Variants in FMN2 observed in about 807,000 individuals in gnomAD.
FMN2 encodes the protein formin-2.
Under a neutral mutation model 142.3 loss-of-function variants are expected in FMN2, and 51 were observed. The ratio of observed to expected loss-of-function variants is 0.36; its 90% CI spans 0.29 to 0.45. The LOEUF is 0.45. Ranked by LOEUF, FMN2 falls within the 20% of genes least tolerant of loss-of-function variation. FMN2 has a pLI of 1.00. For synonymous variants in FMN2, 882 were observed against 869.8 expected (o/e 1.01, Z -0.25); for missense variants, 1,936 against 2,122.8 (o/e 0.91, Z 1.73).
intron 4 of FMN2, among the ~76,000 whole-genome samples, chr1:240,199,378 T>G (rs1666045418): frequency 6.6e-6 from 1 of 152,174 alleles, no homozygotes; most frequent in Admixed American, 6.5e-5. Flanking sequence ...ATAATAAACA[T>G]AATAAAGTTT....
At chr1:240,388,381 T>C (rs1006704653) in intron 14 of FMN2, among the ~76,000 whole-genome samples, 1 of 152,106 alleles carries the variant, frequency 6.6e-6, no homozygotes, top group Non-Finnish European at 1.5e-5. Flanking sequence ...GCATTACAAT[T>C]CAAACCCAGG....
intron 14 of FMN2, 47 bp from the exon 15 acceptor site, chr1:240,392,464 A>G (rs1404244085): frequency 6.5e-7 from 1 of 1,527,084 alleles, no homozygotes; most frequent in Non-Finnish European, 9.0e-7. Context: ...AAATAGTGTA[A>G]CAACTTATCA....
intron 2 of FMN2, among the ~76,000 whole-genome samples, chr1:240,162,899 C>T (rs1281540424): frequency 6.6e-6 from 1 of 152,114 alleles, no homozygotes; most frequent in Non-Finnish European, 1.5e-5. Context: ...ACAGATTTCT[C>T]TCTAAACATG....
At chr1:240,120,092 A>G (rs888536770) in intron 1 of FMN2, among the ~76,000 whole-genome samples, 1 of 152,206 alleles carries the variant, frequency 6.6e-6, no homozygotes, top group Non-Finnish European at 1.5e-5. Flanking sequence ...AGAAATGGAG[A>G]AAATAGAGAG....
At chr1:240,470,524 T>A (rs912837779) in intron 16 of FMN2, among the ~76,000 whole-genome samples, 1 of 152,170 alleles carries the variant, frequency 6.6e-6, no homozygotes, top group Non-Finnish European at 1.5e-5. Context: ...AACTATAACA[T>A]CAATCTTATA....
intron 3 of FMN2, among the ~76,000 whole-genome samples, chr1:240,186,012 G>T (rs951701264): frequency 5.3e-5 from 8 of 152,142 alleles, no homozygotes; most frequent in Non-Finnish European, 1.0e-4. Flanking sequence ...ATCCATTTTT[G>T]ATTAGCTCAA....
rs56169296 is a variant in FMN2, at chr1:240,167,439, T to A, written c.1783-10482T>A. Among the ~76,000 whole-genome samples, 946 of 152,302 alleles carry A rather than the reference T, an allele frequency of 6.2e-3. 3 individuals are homozygous for A. The highest frequency in any genetic ancestry group is 0.011 in the Non-Finnish European group (757 of 68,028). On this transcript the variant is annotated intron_variant, in intron 2 of 17. Transcript: ENST00000319653. ...CTTGGATTATAGGTGGGAGCCATAG[T>A]GCCTGGCCTATTTGTAAACATGTCA...
intron 8 of FMN2, among the ~76,000 whole-genome samples, chr1:240,320,357 T>C (rs1274819694): frequency 6.6e-6 from 1 of 152,164 alleles, no homozygotes; most frequent in Non-Finnish European, 1.5e-5. Context: ...GCCACTTTGC[T>C]CATGTATTTG....
chr1:240,242,499 A>T (rs555755625), intron 6 of FMN2, among the ~76,000 whole-genome samples: 1 of 152,348 alleles, frequency 6.6e-6, no homozygotes, highest in African/African-American at 2.4e-5. Flanking sequence ...GAATGAAAGC[A>T]GGAACCAAGA....
intron 6 of FMN2, among the ~76,000 whole-genome samples, chr1:240,257,688 T>G (rs912447376): frequency 1.3e-5 from 2 of 152,124 alleles, no homozygotes; most frequent in African/African-American, 4.8e-5. Flanking sequence ...CAGATCAGGC[T>G]CTCAAAAGAC....
intron 5 of FMN2, among the ~76,000 whole-genome samples, chr1:240,209,891 G>T (rs1177789534): frequency 6.6e-6 from 1 of 151,770 alleles, no homozygotes; most frequent in Admixed American, 6.6e-5. Context: ...GCGACAGAGC[G>T]AGAGTCCGTC....
At chr1:240,143,411 C>T in intron 2 of FMN2, 5 of 1,427,654 alleles carry the variant, frequency 3.5e-6, no homozygotes, top group Non-Finnish European at 4.9e-6. Flanking sequence ...GCAATAAGGG[C>T]AATCCCCAGA....
At chr1:240,352,414 T>G (rs1447198318) in intron 13 of FMN2, among the ~76,000 whole-genome samples, 1 of 152,052 alleles carries the variant, frequency 6.6e-6, no homozygotes, top group Non-Finnish European at 1.5e-5. Context: ...AAACCCTCTC[T>G]CTACTAAAAA....
intron 14 of FMN2, among the ~76,000 whole-genome samples, chr1:240,388,054 T>C (rs984279290): frequency 2.0e-5 from 3 of 150,966 alleles, no homozygotes; most frequent in African/African-American, 7.3e-5. Flanking sequence ...GGCGGGTGCC[T>C]GTAGTCCCAG....
At chr1:240,109,436 T>C (rs1295418511) in intron 1 of FMN2, among the ~76,000 whole-genome samples, 1 of 152,202 alleles carries the variant, frequency 6.6e-6, no homozygotes, top group Non-Finnish European at 1.5e-5. Context: ...GAAGAGCATC[T>C]CCTACTGTCT....
Position 240,447,963 on chromosome 1 carries a change from C to A in FMN2, c.5060+9753C>A, listed in dbSNP as rs548145342. Among the ~76,000 whole-genome samples, 4 of 152,284 alleles carry A rather than the reference C, an allele frequency of 2.6e-5. No individual in the cohort carries two copies. The South Asian group carries it at 8.3e-4, about 32-fold the overall frequency. On this transcript the variant is annotated intron_variant, in intron 16 of 17. Coordinates refer to ENST00000319653, the MANE Select transcript of FMN2 (RefSeq NM_020066.5). ...TCAGAGTTCTAAGCATGAGAGTGGA[C>A]CACAGTTGAACATACTGACAACCTT...
intron 2 of FMN2, among the ~76,000 whole-genome samples, chr1:240,175,759 GGTGATTTC>G (rs1419005209): frequency 6.6e-6 from 1 of 152,062 alleles, no homozygotes; most frequent in Non-Finnish European, 1.5e-5. Flanking sequence ...TTGGGTGTGA[GGTGATTTC>G]ATTGTGGTTT....
intron 7 of FMN2, among the ~76,000 whole-genome samples, chr1:240,273,321 T>C (rs1669085284): frequency 6.6e-6 from 1 of 152,204 alleles, no homozygotes; most frequent in Non-Finnish European, 1.5e-5. Context: ...CAGGTGTTTT[T>C]ATCTCCATCT....
At chr1:240,142,962 A>G in intron 2 of FMN2, 1 of 1,597,152 alleles carries the variant, frequency 6.3e-7, no homozygotes, top group Non-Finnish European at 8.6e-7. Context: ...TGATTTGCCT[A>G]GAATAATGTT....
Sources: gnomAD v4.1 joint callset for allele counts (sites outside exome capture counted in the v4.1 genomes callset) on GRCh38, gnomAD v4.1.1 for gene constraint, MANE v1.5 for transcripts, NCBI Gene and HGNC (gene_info 2026-07-23, HGNC 2026-07-21) for gene names.